The following CWF19L1 variants were observed in gnomAD, a reference collection of about 807,000 sequenced individuals.
The protein encoded by CWF19L1 is CWF19-like protein 1.
Under a neutral mutation model 69.7 loss-of-function variants are expected in CWF19L1, and 60 were observed. The ratio of observed to expected loss-of-function variants is 0.86; its 90% CI spans 0.70 to 1.07. CWF19L1 has a LOEUF of 1.07. Ranked by LOEUF, CWF19L1 falls within the 50% of genes least tolerant of loss-of-function variation. CWF19L1 has a pLI of 0.00. For synonymous variants in CWF19L1, 209 were observed against 222.2 expected (o/e 0.94, Z 0.53); for missense variants, 591 against 638.9 (o/e 0.92, Z 0.81).
At chr10:100,264,450 C>T (rs138161734) in intron 1 of CWF19L1, among the ~76,000 whole-genome samples, 140 of 151,398 alleles carry the variant, frequency 9.2e-4, no homozygotes, top group African/African-American at 3.3e-3. Context: ...GAGGCTGAGG[C>T]GGGAGAATAG....
chr10:100,238,087 TAAAG>T lies in CWF19L1; in HGVS notation c.1185_1188del (p.Phe395LeufsTer50), dbSNP rs1321773753. The T allele has an allele frequency of 6.2e-7, 1 of 1,614,206 alleles. No homozygotes were observed. ...ACAACACACCATTTCCCTCGACTCT[TAAAG>T]AACCGTCTCAGAGTGGCCTTATACT... is the stretch of plus-strand genomic sequence containing the variant. On this transcript the variant is annotated frameshift_variant, in exon 11 of 14. Transcript: ENST00000354105. LOFTEE classifies it high-confidence loss of function.
intron 7 of CWF19L1, chr10:100,249,149 C>T: frequency 5.3e-6 from 2 of 376,378 alleles, no homozygotes; most frequent in Non-Finnish European, 9.9e-6. Context: ...CTTCCTTCTG[C>T]CCCAACCCTA....
rs1331619545 is a variant in CWF19L1, at chr10:100,233,325, C to CA, written c.1518dup (p.Asp507Ter). 6.2e-7 allele frequency: 1 copy of CA among 1,613,976 alleles called. No individual in the cohort carries two copies. The highest frequency in any genetic ancestry group is 1.7e-5 in the Admixed American group (1 of 59,992). On this transcript the variant is annotated frameshift_variant, in exon 14 of 14. Coordinates refer to ENST00000354105, the MANE Select transcript of CWF19L1 (RefSeq NM_018294.6). LOFTEE classifies it high-confidence loss of function. The stretch of plus-strand genomic sequence containing the variant: ...TTGCTGATCTGACACTGCCTCCAGT[C>CA]AGACTTATCAGGAACATTAAGGATG...
intron 10 of CWF19L1, among the ~76,000 whole-genome samples, chr10:100,240,717 G>A (rs608957): frequency 1 from 151,785 of 152,312 alleles, 75,637 homozygotes; most frequent in Middle Eastern, 1. Flanking sequence ...TATCTCCTGC[G>A]TGTGATCTTG....
intron 11 of CWF19L1, 127 bp from the exon 12 acceptor site, chr10:100,237,096 A>C: frequency 8.8e-6 from 10 of 1,139,468 alleles, no homozygotes; most frequent in African/African-American, 1.5e-5. Flanking sequence ...GAATATCCTC[A>C]GGCCAGACAA....
Position 100,247,012 on chromosome 10 carries a change from G to A in CWF19L1, c.709-77C>T, listed in dbSNP as rs568365382. The A allele has an allele frequency of 4.5e-5, 58 of 1,295,390 alleles. No homozygotes were observed. The South Asian group carries it at 8.2e-4, about 18-fold the overall frequency. The allele number at this position is 1,295,390 out of a possible 1,614,324, so 80.2% of individuals were successfully genotyped here. A position where few individuals can be genotyped will look rare whatever the true frequency, so the allele number is the denominator to read the frequency against. On this transcript the variant is annotated intron_variant, in intron 7 of 13. Coordinates refer to ENST00000354105, the MANE Select transcript of CWF19L1 (RefSeq NM_018294.6). ...TGTAATCAACCTATTTTACTGTGAA[G>A]ATTTCACAGAAAACATGTGAAACTC... is the stretch of plus-strand genomic sequence containing the variant.
intron 10 of CWF19L1, among the ~76,000 whole-genome samples, chr10:100,241,634 G>T (rs1846643065): frequency 6.6e-6 from 1 of 152,176 alleles, no homozygotes; most frequent in East Asian, 1.9e-4. Flanking sequence ...AATCTATTTG[G>T]CTTGTGGTTC....
intron 7 of CWF19L1, 30 bp from the exon 8 acceptor site, chr10:100,246,965 G>A (rs755800969): frequency 6.4e-7 from 1 of 1,563,392 alleles, no homozygotes; most frequent in South Asian, 1.2e-5. Context: ...AATGACATTA[G>A]GGGAAATACT....
intron 13 of CWF19L1, chr10:100,233,989 T>A (rs2134269686): frequency 6.6e-6 from 1 of 152,320 alleles, no homozygotes; most frequent in South Asian, 2.1e-4. Flanking sequence ...ACAAGCCCAA[T>A]GTCAACAAAA....
chr10:100,258,817 G>C (rs1241784309), intron 4 of CWF19L1: 1 of 151,336 alleles, frequency 6.6e-6, no homozygotes, highest in Non-Finnish European at 1.5e-5. Context: ...GGGAAGGAGA[G>C]AGAGGACATT....
At chr10:100,241,843 C>T (rs1658348266) in intron 10 of CWF19L1, among the ~76,000 whole-genome samples, 1 of 152,182 alleles carries the variant, frequency 6.6e-6, no homozygotes, top group Admixed American at 6.5e-5. Context: ...GTCCTTATGA[C>T]CAAATCACCT....
chr10:100,235,322 A>G (rs928751594), intron 13 of CWF19L1, among the ~76,000 whole-genome samples: 16 of 152,210 alleles, frequency 1.1e-4, no homozygotes, highest in African/African-American at 3.6e-4. Context: ...GTGCTCAATT[A>G]AAGTTCCCTA....
At chr10:100,262,502 A>T in intron 1 of CWF19L1, 1 of 982,000 alleles carries the variant, frequency 1.0e-6, no homozygotes, top group Non-Finnish European at 1.2e-6. Context: ...CATTTGATAA[A>T]CAGGTACTGG....
At chr10:100,235,806 T>A in intron 12 of CWF19L1, 42 bp from the exon 13 acceptor site, 1 of 1,326,076 alleles carries the variant, frequency 7.5e-7, no homozygotes, top group Non-Finnish European at 1.1e-6. Flanking sequence ...AATAATGCTT[T>A]AAAAATCTAT....
At chr10:100,262,320 T>C in intron 1 of CWF19L1, 4 of 985,472 alleles carry the variant, frequency 4.1e-6, no homozygotes, top group Non-Finnish European at 4.8e-6. Flanking sequence ...CTAAGTTTTG[T>C]GGACATGTCT....
In CWF19L1 at chr10:100,267,574, C is replaced by A. The variant is rs1266358480; in HGVS notation, c.20G>T (p.Arg7Leu). Residue 7 changes from arginine to leucine, a missense_variant, in exon 1 of 14, where the codon CGC (arginine) becomes CTC (leucine). Transcript: ENST00000354105. Reference sequence around the variant, plus strand: ...GCTTCCATTCACGGTCACTCACAGGCGCAGCGGTTTCTGTGCCATCTGTCC... The same window carrying A: ...GCTTCCATTCACGGTCACTCACAGGAGCAGCGGTTTCTGTGCCATCTGTCC... MAQKPL[R>L]LLACGDVEGK... The A allele has an allele frequency of 4.3e-6, 7 of 1,614,080 alleles. No homozygotes were observed. Among genetic ancestry groups the A allele is most frequent in the Non-Finnish European group, 5.9e-6 (7 of 1,180,052 alleles).
At chr10:100,265,209 C>T (rs994163666) in intron 1 of CWF19L1, among the ~76,000 whole-genome samples, 5 of 151,394 alleles carry the variant, frequency 3.3e-5, no homozygotes, top group Admixed American at 2.0e-4. Context: ...TATTTTTGTA[C>T]AGCTGTACAA....
chr10:100,243,175 A>G (rs1846691414), intron 10 of CWF19L1, among the ~76,000 whole-genome samples: 1 of 152,208 alleles, frequency 6.6e-6, no homozygotes, highest in African/African-American at 2.4e-5. Flanking sequence ...GCATGCAGAT[A>G]TTTTATGGGA....
At chr10:100,254,696 G>A (rs944403779) in intron 5 of CWF19L1, 1 of 152,120 alleles carries the variant, frequency 6.6e-6, no homozygotes. Flanking sequence ...TTATTTATAA[G>A]CCTTGATCAA....
Sources: allele counts gnomAD v4.1 joint callset (sites outside exome capture counted in the v4.1 genomes callset), GRCh38; gene constraint gnomAD v4.1.1; transcripts MANE v1.5; gene names NCBI Gene and HGNC (gene_info 2026-07-23, HGNC 2026-07-21).